The following RBPMS variants were observed in gnomAD, a reference collection of about 807,000 sequenced individuals.
The protein encoded by RBPMS is RNA-binding protein with multiple splicing.
RBPMS carries 7 observed loss-of-function variants against 26.8 expected under a neutral mutation model. The ratio of observed to expected loss-of-function variants is 0.26; its 90% CI spans 0.15 to 0.49. The LOEUF (loss-of-function observed/expected upper bound fraction) is 0.49, where lower values mean the gene tolerates loss of function less well. RBPMS is among the 20% of genes least tolerant of loss of function. The pLI, the probability that RBPMS is intolerant of heterozygous loss-of-function variation, is 0.98. For missense variants in RBPMS, 186 were observed against 250.0 expected (o/e 0.74, Z 1.73); for synonymous variants, 96 against 93.3 (o/e 1.03, Z -0.17).
At chr8:30,412,254 C>T (rs1051685678) in intron 1 of RBPMS, among the ~76,000 whole-genome samples, 4 of 152,154 alleles carry the variant, frequency 2.6e-5, no homozygotes, top group African/African-American at 9.7e-5. Flanking sequence ...TTAATATTTG[C>T]AGAGGCCTCT....
At chr8:30,392,659 G>A (rs1205333081) in intron 1 of RBPMS, among the ~76,000 whole-genome samples, 1 of 152,250 alleles carries the variant, frequency 6.6e-6, no homozygotes. Flanking sequence ...CAGCCTGGCA[G>A]TGGCAACTGA....
chr8:30,489,764 T>G (rs902126176), intron 4 of RBPMS, among the ~76,000 whole-genome samples: 2 of 151,344 alleles, frequency 1.3e-5, no homozygotes, highest in African/African-American at 2.4e-5. Flanking sequence ...TTCTGTACAC[T>G]GGTGTTTTTA....
At chr8:30,531,304 T>C (rs953962438) in intron 5 of RBPMS, among the ~76,000 whole-genome samples, 1 of 151,916 alleles carries the variant, frequency 6.6e-6, no homozygotes, top group African/African-American at 2.4e-5. Context: ...GGTTCCTGTG[T>C]TGGATTACCC....
intron 6 of RBPMS, among the ~76,000 whole-genome samples, chr8:30,555,657 AGCCCTTGTC>A (rs998868546): frequency 6.6e-5 from 10 of 152,360 alleles, no homozygotes; most frequent in Non-Finnish European, 1.2e-4. Flanking sequence ...ATGGAAGGCC[AGCCCTTGTC>A]ACATTATTCT....
At chr8:30,410,299 C>T (rs114001178) in intron 1 of RBPMS, among the ~76,000 whole-genome samples, 3,109 of 152,212 alleles carry the variant, frequency 0.02, 105 homozygotes, top group African/African-American at 0.068. Flanking sequence ...CTCAGCCTCT[C>T]CTGGGTTCAA....
At position 30,556,387 on chromosome 8, in the gene RBPMS, C is replaced by T. The variant is rs929879828; in HGVS notation, c.529-2500C>T. 1.3e-5 allele frequency: 13 copies of T among 985,640 alleles called. No homozygotes were observed. The Admixed American group carries it at 1.8e-4, about 14-fold the overall frequency. The allele number at this position is 985,640 out of a possible 1,614,324, so 61.1% of individuals were successfully genotyped here. A position where few individuals can be genotyped will look rare whatever the true frequency, so the allele number is the denominator to read the frequency against. ...CTGCAGGCACCTGTGCGAGTGAGAA[C>T]GTGAGGGCTGTGTGCGAGAGCTGGT... is the stretch of plus-strand genomic sequence containing the variant. On this transcript the variant is annotated intron_variant, in intron 6 of 8. Coordinates refer to ENST00000397323, the MANE Select transcript of RBPMS (RefSeq NM_001008710.3).
intron 1 of RBPMS, among the ~76,000 whole-genome samples, chr8:30,466,774 A>G (rs563139809): frequency 1.8e-4 from 28 of 151,966 alleles, no homozygotes; most frequent in African/African-American, 6.5e-4. Flanking sequence ...TTGTATTTTT[A>G]GTAGAGACGG....
chr8:30,434,100 G>C (rs1352872208), intron 1 of RBPMS, among the ~76,000 whole-genome samples: 1 of 145,390 alleles, frequency 6.9e-6, no homozygotes, highest in African/African-American at 2.8e-5. Context: ...CTGGGTAACA[G>C]AGCGAGACTC....
At chr8:30,446,880 G>T (rs1813922105) in intron 1 of RBPMS, 1 of 152,020 alleles carries the variant, frequency 6.6e-6, no homozygotes, top group Non-Finnish European at 1.5e-5. Context: ...GTGGGGTAGA[G>T]ATGGAACTTC....
chr8:30,569,669 T>C (rs572021322), intron 8 of RBPMS, among the ~76,000 whole-genome samples: 61 of 152,022 alleles, frequency 4.0e-4, no homozygotes, highest in African/African-American at 1.3e-3. Context: ...AGATTCGAGG[T>C]AGAAGCACAC....
intron 5 of RBPMS, among the ~76,000 whole-genome samples, chr8:30,517,986 A>C (rs1424814659): frequency 6.6e-6 from 1 of 152,234 alleles, no homozygotes; most frequent in African/African-American, 2.4e-5. Context: ...AGAAGGAAAC[A>C]GAAAGCAGCA....
At chr8:30,528,656 A>G (rs946252428) in intron 5 of RBPMS, among the ~76,000 whole-genome samples, 1 of 152,188 alleles carries the variant, frequency 6.6e-6, no homozygotes, top group African/African-American at 2.4e-5. Flanking sequence ...AATCTTCACA[A>G]CACCCTGTTA....
chr8:30,514,421 T>A (rs56406361), intron 5 of RBPMS, among the ~76,000 whole-genome samples: 37,265 of 152,106 alleles, frequency 0.24, 4,907 homozygotes, highest in East Asian at 0.4. Flanking sequence ...GCCTGTCACT[T>A]CACGGAAAAT....
At chr8:30,565,656 G>C (rs942071080) in intron 7 of RBPMS, 2 of 152,268 alleles carry the variant, frequency 1.3e-5, no homozygotes, top group African/African-American at 4.8e-5. Context: ...CAAGTAGCCA[G>C]ATATCTTCAC....
intron 7 of RBPMS, chr8:30,564,711 A>C (rs1177314459): frequency 6.6e-6 from 1 of 152,246 alleles, no homozygotes; most frequent in African/African-American, 2.4e-5. Context: ...TCTTCCCTGG[A>C]AGAAGTTCAA....
At chr8:30,543,889 A>T (rs1303798111) in intron 5 of RBPMS, among the ~76,000 whole-genome samples, 1 of 152,208 alleles carries the variant, frequency 6.6e-6, no homozygotes, top group African/African-American at 2.4e-5. Context: ...TTTAATCAGG[A>T]TTCTCAAGGT....
Position 30,386,271 on chromosome 8 carries a change from G to A in RBPMS, c.66+1113G>A, listed in dbSNP as rs545544702. 4.6e-5 allele frequency among the ~76,000 whole-genome samples: 7 copies of A among 152,344 alleles called. No individual in the cohort carries two copies. In the South Asian group the frequency reaches 1.2e-3, roughly 27 times the overall value. On this transcript the variant is annotated intron_variant, in intron 1 of 8. Coordinates refer to ENST00000397323, the MANE Select transcript of RBPMS (RefSeq NM_001008710.3). ...TTGTGTGCAAACTTCAATTCTGATA[G>A]TGAAACCAAAATTGCAGAGGAATTC...
intron 7 of RBPMS, chr8:30,562,125 GT>G: frequency 1.4e-6 from 1 of 739,864 alleles, no homozygotes; most frequent in Non-Finnish European, 1.7e-6. Flanking sequence ...GATGCCAGAA[GT>G]TTGAGACCAG....
chr8:30,558,645 G>T (rs898120034), intron 6 of RBPMS: 3 of 588,616 alleles, frequency 5.1e-6, no homozygotes, highest in Non-Finnish European at 9.2e-6. Flanking sequence ...GGAACCTCGG[G>T]CACTTCTCGA....
Sources: allele counts gnomAD v4.1 joint callset (sites outside exome capture counted in the v4.1 genomes callset), GRCh38; gene constraint gnomAD v4.1.1; transcripts MANE v1.5; gene names NCBI Gene and HGNC (gene_info 2026-07-23, HGNC 2026-07-21).